The following KANK1 variants were observed in gnomAD, a reference collection of about 807,000 sequenced individuals.
KANK1 encodes KN motif and ankyrin repeat domain-containing protein 1.
KANK1 carries 109 observed loss-of-function variants against 106.2 expected under a neutral mutation model. The observed-to-expected ratio is 1.03, with a 90% confidence interval of 0.88 to 1.20. KANK1 has a LOEUF of 1.20. Among genes scored for constraint, KANK1 ranks in the 50% most tolerant of loss-of-function variants. KANK1 has a pLI of 0.00. For synonymous variants in KANK1, 873 were observed against 652.2 expected (o/e 1.34, Z -5.16); for missense variants, 2,399 against 1,710.7 (o/e 1.40, Z -7.10).
At chr9:571,895 A>G (rs1163724410) in intron 1 of KANK1, among the ~76,000 whole-genome samples, 1 of 152,204 alleles carries the variant, frequency 6.6e-6, no homozygotes, top group Non-Finnish European at 1.5e-5. Context: ...TTTGTACTTT[A>G]GCTTCATGTC....
intron 1 of KANK1, chr9:547,416 C>T (rs981827151): frequency 4.6e-5 from 7 of 151,846 alleles, no homozygotes; most frequent in African/African-American, 1.4e-4. Flanking sequence ...AAATCTAAAG[C>T]CTGTGCAAGA....
chr9:735,721 C>T (rs747144571), intron 7 of KANK1: 1 of 440,734 alleles, frequency 2.3e-6, no homozygotes, highest in South Asian at 1.6e-5. Context: ...GGGCCAGGTG[C>T]AGTGGCTGAC....
chr9:505,818 G>T (rs974265192), intron 1 of KANK1, among the ~76,000 whole-genome samples: 4 of 152,210 alleles, frequency 2.6e-5, no homozygotes, highest in African/African-American at 9.6e-5. Flanking sequence ...TAATCGTGCA[G>T]TTCCTTTCCT....
intron 1 of KANK1, among the ~76,000 whole-genome samples, chr9:529,172 C>T (rs2059940424): frequency 6.6e-6 from 1 of 151,936 alleles, no homozygotes; most frequent in African/African-American, 2.4e-5. Context: ...CTACCATATT[C>T]TCTCTTTACA....
At chr9:651,107 C>T (rs1362439595) in intron 1 of KANK1, among the ~76,000 whole-genome samples, 2 of 152,086 alleles carry the variant, frequency 1.3e-5, no homozygotes, top group East Asian at 1.9e-4. Flanking sequence ...AATTTGGAAT[C>T]GGGACAGTTT....
chr9:745,494 A>AC lies in KANK1; in HGVS notation c.*260dup. 1 of 370,610 alleles carries AC rather than the reference A, an allele frequency of 2.7e-6. No individual in the cohort carries two copies. The highest frequency in any genetic ancestry group is 4.9e-6 in the Non-Finnish European group (1 of 203,702). 23.0% of individuals were successfully genotyped at this position (370,610 alleles called of 1,614,324 possible). On this transcript the variant is annotated 3_prime_UTR_variant, in exon 12 of 12. Transcript: ENST00000382297. The stretch of plus-strand genomic sequence containing the variant: ...CTGTTGAGTCTCTGCTCCGTTTTGT[A>AC]CAGTCACAGGGAATTCTGATCTGAA...
At chr9:516,996 TCTACA>T (rs931728821) in intron 1 of KANK1, among the ~76,000 whole-genome samples, 1 of 77,176 alleles carries the variant, frequency 1.3e-5, no homozygotes, top group African/African-American at 1.3e-4. Context: ...TTCATCACCC[TCTACA>T]CACACACACA....
At chr9:577,487 T>C (rs1177996019) in intron 1 of KANK1, among the ~76,000 whole-genome samples, 3 of 152,200 alleles carry the variant, frequency 2.0e-5, no homozygotes, top group Non-Finnish European at 4.4e-5. Flanking sequence ...AGAGTGCTAA[T>C]TGGTGTGTTT....
upstream of KANK1, among the ~76,000 whole-genome samples, chr9:502,941 C>T (rs1488301100): frequency 1.3e-5 from 2 of 151,680 alleles, no homozygotes; most frequent in Non-Finnish European, 2.9e-5. Context: ...CTCAGGCGAT[C>T]CTCCTACCTT....
At chr9:641,454 T>G (rs1167233618) in intron 1 of KANK1, among the ~76,000 whole-genome samples, 2 of 152,140 alleles carry the variant, frequency 1.3e-5, no homozygotes, top group Admixed American at 1.3e-4. Context: ...AGAGACAGGT[T>G]TCTTTTATGA....
intron 3 of KANK1, among the ~76,000 whole-genome samples, chr9:488,656 T>C (rs1178801205): frequency 6.6e-6 from 1 of 152,220 alleles, no homozygotes; most frequent in Non-Finnish European, 1.5e-5. Context: ...AAATGCTGCA[T>C]ACAGACAGTG....
At chr9:539,334 C>G (rs144195198) in intron 1 of KANK1, among the ~76,000 whole-genome samples, 1 of 152,112 alleles carries the variant, frequency 6.6e-6, no homozygotes, top group Non-Finnish European at 1.5e-5. Context: ...TAGGTCACTT[C>G]GGGGAGTATG....
At chr9:521,634 T>A (rs2133228960) in intron 1 of KANK1, among the ~76,000 whole-genome samples, 1 of 150,442 alleles carries the variant, frequency 6.6e-6, no homozygotes, top group South Asian at 2.1e-4. Context: ...TGGTGTGATC[T>A]TGGGTCACTT....
At position 711,939 on chromosome 9, in the gene KANK1, G is replaced by T. The variant is rs761807707; in HGVS notation, c.1173G>T (p.Glu391Asp). 28 of 1,614,080 alleles carry T rather than the reference G, an allele frequency of 1.7e-5. No individual in the cohort carries two copies. The East Asian group carries it at 1.8e-4, about 10-fold the overall frequency. ...IQDSSCEASS[E>D]LRENGECRSV... ...ACAGCAGCTGTGAGGCCTCCTCAGA[G>T]CTCAGGGAGAATGGAGAGTGCCGGT... Residue 391 changes from glutamate to aspartate, a missense_variant, in exon 3 of 12, where the codon GAG (glutamate) becomes GAT (aspartate). Physicochemically the swap from Glu to Asp is conservative, Grantham distance 45 (BLOSUM62 2). Transcript: ENST00000382297.
intron 1 of KANK1, among the ~76,000 whole-genome samples, chr9:651,120 G>A (rs1354955286): frequency 6.6e-6 from 1 of 152,184 alleles, no homozygotes; most frequent in African/African-American, 2.4e-5. Context: ...GACAGTTTTC[G>A]GAACCCCTTC....
At chr9:739,984 T>G (rs931099294) in intron 8 of KANK1, among the ~76,000 whole-genome samples, 6 of 152,250 alleles carry the variant, frequency 3.9e-5, no homozygotes, top group Non-Finnish European at 8.8e-5. Flanking sequence ...TGGAGTTGTT[T>G]GGGATCTTAA....
At chr9:562,385 C>G (rs1816729619) in intron 1 of KANK1, among the ~76,000 whole-genome samples, 1 of 152,186 alleles carries the variant, frequency 6.6e-6, no homozygotes, top group Admixed American at 6.5e-5. Context: ...CCTGCCAGAG[C>G]TGGGTAACAA....
chr9:621,243 C>T (rs185008186), intron 1 of KANK1, among the ~76,000 whole-genome samples: 3 of 152,158 alleles, frequency 2.0e-5, no homozygotes, highest in East Asian at 1.9e-4. Context: ...ATAATTGCAA[C>T]CAAAAGTAAA....
At chr9:507,852 G>A (rs995180082) in intron 1 of KANK1, among the ~76,000 whole-genome samples, 5 of 151,872 alleles carry the variant, frequency 3.3e-5, no homozygotes, top group Middle Eastern at 3.4e-3. Context: ...CACCATGCCA[G>A]TTTTTGTATT....
Sources: allele counts gnomAD v4.1 joint callset (sites outside exome capture counted in the v4.1 genomes callset), GRCh38; gene constraint gnomAD v4.1.1; transcripts MANE v1.5; gene names NCBI Gene and HGNC (gene_info 2026-07-23, HGNC 2026-07-21).